HOXC13: variants seen among roughly 807,000 people sequenced by gnomAD.
HOXC13 encodes the protein homeobox protein Hox-C13.
A neutral mutation model predicts 25.9 loss-of-function variants in HOXC13; 10 were observed. The ratio of observed to expected loss-of-function variants is 0.39; its 90% CI spans 0.24 to 0.65. HOXC13 has a LOEUF of 0.65. HOXC13 is among the 30% of genes least tolerant of loss of function. The pLI is 0.50. For synonymous variants in HOXC13, 233 were observed against 217.1 expected (o/e 1.07, Z -0.64); for missense variants, 439 against 478.3 (o/e 0.92, Z 0.77).
At chr12:53,943,867 T>A (rs1360971481) in intron 1 of HOXC13, among the ~76,000 whole-genome samples, 1 of 152,200 alleles carries the variant, frequency 6.6e-6, no homozygotes, top group Non-Finnish European at 1.5e-5. Flanking sequence ...AATAATTACA[T>A]GGAAAAAATT....
At position 53,938,972 on chromosome 12, in the gene HOXC13, C is replaced by T; in HGVS notation, c.66C>T (p.Ser22=). ...GCCTTATGTACGTCTATGAGGACAG[C>T]GCGGCGGAGAGCGGCATCGGCGGCG... ...PESLMYVYED[S]AAESGIGGGG... The change falls in exon 1 of 2, where the codon AGC becomes AGT. Residue 22 remains serine (S), a synonymous_variant. Coordinates refer to ENST00000243056, the MANE Select transcript of HOXC13 (RefSeq NM_017410.3). The T allele has an allele frequency of 4.6e-6, 7 of 1,525,244 alleles. No homozygotes were observed. Among genetic ancestry groups the T allele is most frequent in the East Asian group, 5.2e-5 (2 of 38,288 alleles). The allele number at this position is 1,525,244 out of a possible 1,614,324, so 94.5% of individuals were successfully genotyped here.
rs1008663746 is a variant in HOXC13, at chr12:53,945,452, A to AC, written c.*201dup. 248 of 635,958 alleles carry AC rather than the reference A, an allele frequency of 3.9e-4. No homozygotes were observed. The highest frequency in any genetic ancestry group is 1.4e-4 in the Non-Finnish European group (51 of 371,068). 39.4% of individuals were successfully genotyped at this position (635,958 alleles called of 1,614,324 possible). ...ACTCCCTATCCCATCCCCAGCCTCC[A>AC]CCCCCATCCAGATGGGACTCACGTG... On this transcript the variant is annotated 3_prime_UTR_variant, in exon 2 of 2. Coordinates refer to ENST00000243056, the MANE Select transcript of HOXC13 (RefSeq NM_017410.3). The surrounding 1 kb of genome is among the most constrained non-coding windows in gnomAD (Gnocchi z 4.4).
At position 53,945,061 on chromosome 12, in the gene HOXC13, C is replaced by G. The variant is rs1471125450; in HGVS notation, c.798C>G (p.Pro266=). ...SYRRGRKKRV[P]YTKVQLKELE... is the part of the protein sequence containing the mutation. Reference sequence around the variant, plus strand: ...GGCGCGGGCGCAAGAAACGCGTGCCCTACACTAAGGTGCAGCTGAAGGAGC... The same window carrying G: ...GGCGCGGGCGCAAGAAACGCGTGCCGTACACTAAGGTGCAGCTGAAGGAGC... The change falls in exon 2 of 2, where the codon CCC becomes CCG. Residue 266 remains proline, a synonymous_variant. Transcript: ENST00000243056. This position sits in a 1 kb window ranked among gnomAD's most constrained non-coding sequence, Gnocchi z 4.4. 1 of 1,614,120 alleles carries G rather than the reference C, an allele frequency of 6.2e-7. No individual in the cohort carries two copies. Among genetic ancestry groups the G allele is most frequent in the South Asian group, 1.1e-5 (1 of 91,084 alleles).
At position 53,945,601 on chromosome 12, in the gene HOXC13, C is replaced by G; in HGVS notation, c.*345C>G. On this transcript the variant is annotated 3_prime_UTR_variant, in exon 2 of 2. Transcript: ENST00000243056. This position sits in a 1 kb window ranked among gnomAD's most constrained non-coding sequence, Gnocchi z 4.4. Reference sequence around the variant, plus strand: ...CAGCGCAGAGCCCAATCATTCCAACCAAAGCAGGGTTGGGGAATCCCGAAT... The same window carrying G: ...CAGCGCAGAGCCCAATCATTCCAACGAAAGCAGGGTTGGGGAATCCCGAAT... 1 of 391,642 alleles carries G rather than the reference C, an allele frequency of 2.6e-6. No homozygotes were observed. Among genetic ancestry groups the G allele is most frequent in the Non-Finnish European group, 4.7e-6 (1 of 213,200 alleles). 24.3% of individuals were successfully genotyped at this position (391,642 alleles called of 1,614,324 possible).
intron 1 of HOXC13, among the ~76,000 whole-genome samples, chr12:53,943,306 C>T (rs1489754403): frequency 6.6e-6 from 1 of 152,216 alleles, no homozygotes; most frequent in Non-Finnish European, 1.5e-5. Flanking sequence ...TACATATCCT[C>T]TTCATTCTAT....
chr12:53,941,407 G>A (rs967492858), intron 1 of HOXC13, among the ~76,000 whole-genome samples: 11 of 152,208 alleles, frequency 7.2e-5, no homozygotes, highest in African/African-American at 2.7e-4. Flanking sequence ...GTGGATTGGG[G>A]GCACAGGCCC....
rs544959535 is a variant in HOXC13 at position 53,940,897 on chromosome 12, G to C, written c.736+1255G>C. On this transcript the variant is annotated intron_variant, in intron 1 of 1. Transcript: ENST00000243056. ...GCATAGACCCAAAGACCTCCTAAGG[G>C]TGGGCCTGAAATTCCTCTGCATACG... is the stretch of plus-strand genomic sequence containing the variant. Among the ~76,000 whole-genome samples the C allele has an allele frequency of 4.6e-5, 7 of 152,288 alleles. No homozygotes were observed. In the South Asian group the frequency reaches 1.5e-3, roughly 32 times the overall value.
At chr12:53,943,212 G>C (rs1239625049) in intron 1 of HOXC13, among the ~76,000 whole-genome samples, 1 of 152,144 alleles carries the variant, frequency 6.6e-6, no homozygotes, top group Non-Finnish European at 1.5e-5. Flanking sequence ...TGTAAAATGA[G>C]TTTAACAAAA....
rs1288598403 is a variant in HOXC13 at position 53,938,963 on chromosome 12, T to C, written c.57T>C (p.Tyr19=). The change falls in exon 1 of 2, where the codon TAT becomes TAC. Residue 19 remains tyrosine (Y), a synonymous_variant. Transcript: ENST00000243056. ...PRWPESLMYV[Y]EDSAAESGIG... is the part of the protein sequence containing the mutation. Reference sequence around the variant, plus strand: ...GGCCGGAGAGCCTTATGTACGTCTATGAGGACAGCGCGGCGGAGAGCGGCA... The same window carrying C: ...GGCCGGAGAGCCTTATGTACGTCTACGAGGACAGCGCGGCGGAGAGCGGCA... 1.3e-6 allele frequency: 2 copies of C among 1,544,766 alleles called. No individual in the cohort carries two copies. Among genetic ancestry groups the C allele is most frequent in the Non-Finnish European group, 8.7e-7 (1 of 1,151,740 alleles).
chr12:53,945,852 C>T lies in HOXC13; in HGVS notation c.*596C>T, dbSNP rs758524143. 18 of 233,308 alleles carry T rather than the reference C, an allele frequency of 7.7e-5. No individual in the cohort carries two copies. Among genetic ancestry groups the T allele is most frequent in the Non-Finnish European group, 1.2e-4 (14 of 118,168 alleles). 14.5% of individuals were successfully genotyped at this position (233,308 alleles called of 1,614,324 possible). ...AGCGTGATTGGAGTATGGATGTTTCCGTAAAAGCTGGAATTCCGTAAAAGC... is the reference window on the plus strand; with the variant it reads ...AGCGTGATTGGAGTATGGATGTTTCTGTAAAAGCTGGAATTCCGTAAAAGC... On this transcript the variant is annotated 3_prime_UTR_variant, in exon 2 of 2. Transcript: ENST00000243056. This position sits in a 1 kb window ranked among gnomAD's most constrained non-coding sequence, Gnocchi z 4.4.
intron 1 of HOXC13, among the ~76,000 whole-genome samples, chr12:53,941,429 C>T (rs963986560): frequency 6.6e-6 from 1 of 152,204 alleles, no homozygotes; most frequent in Non-Finnish European, 1.5e-5. Flanking sequence ...GAGCAATGTG[C>T]AATGGGTTTA....
intron 1 of HOXC13, among the ~76,000 whole-genome samples, chr12:53,942,897 T>A (rs1017873625): frequency 1.3e-5 from 2 of 152,180 alleles, no homozygotes; most frequent in African/African-American, 4.8e-5. Context: ...GTTGATTAAA[T>A]CTCATTGGAA....
Position 53,945,131 on chromosome 12 carries a change from C to G in HOXC13, c.868C>G (p.Arg290Gly). ...TAGCAAGTTCATCACCAAAGAGAAG[C>G]GCCGGCGCATCTCCGCCACCACGAA... ...AASKFITKEK[R>G]RRISATTNLS... Residue 290 changes from arginine to glycine, a missense_variant, in exon 2 of 2, where the codon CGC (arginine) becomes GGC (glycine). Physicochemically the swap from Arg to Gly is moderately radical, Grantham distance 125. Transcript: ENST00000243056. This position sits in a 1 kb window ranked among gnomAD's most constrained non-coding sequence, Gnocchi z 4.4. 1 of 1,614,208 alleles carries G rather than the reference C, an allele frequency of 6.2e-7. No homozygotes were observed. The highest frequency in any genetic ancestry group is 8.5e-7 in the Non-Finnish European group (1 of 1,180,046).
intron 1 of HOXC13, among the ~76,000 whole-genome samples, chr12:53,944,528 G>T (rs931433218): frequency 1.3e-5 from 2 of 152,114 alleles, no homozygotes; most frequent in African/African-American, 4.8e-5. Context: ...AGGAAGGAGG[G>T]ATTTTTCTGA....
Position 53,945,463 on chromosome 12 carries a change from G to C in HOXC13, c.*207G>C. 1 of 616,802 alleles carries C rather than the reference G, an allele frequency of 1.6e-6. No individual in the cohort carries two copies. The highest frequency in any genetic ancestry group is 2.8e-6 in the Non-Finnish European group (1 of 354,876). The allele number at this position is 616,802 out of a possible 1,614,324, so 38.2% of individuals were successfully genotyped here. On this transcript the variant is annotated 3_prime_UTR_variant, in exon 2 of 2. Transcript: ENST00000243056. The surrounding 1 kb of genome is among the most constrained non-coding windows in gnomAD (Gnocchi z 4.4). ...CATCCCCAGCCTCCACCCCCATCCA[G>C]ATGGGACTCACGTGGCTTCAACAGC... is the stretch of plus-strand genomic sequence containing the variant.
chr12:53,939,477 G>T lies in HOXC13; in HGVS notation c.571G>T (p.Val191Leu), dbSNP rs780185702. Residue 191 changes from valine (V) to leucine (L), a missense_variant, in exon 1 of 2, where the codon GTG becomes TTG. Transcript: ENST00000243056. This position sits in a 1 kb window ranked among gnomAD's most constrained non-coding sequence, Gnocchi z 6.7. ...CCAGGCGATGCCCGGCTACCTGGACGTGTCGGTGGTGCCCGGGATCAGCGG... is the reference window on the plus strand; with the variant it reads ...CCAGGCGATGCCCGGCTACCTGGACTTGTCGGTGGTGCCCGGGATCAGCGG... ...SYQAMPGYLD[V>L]SVVPGISGHP... 1.2e-6 allele frequency: 2 copies of T among 1,609,434 alleles called. No individual in the cohort carries two copies. Among genetic ancestry groups the T allele is most frequent in the Non-Finnish European group, 8.5e-7 (1 of 1,179,470 alleles).
At chr12:53,941,550 A>G (rs753384079) in intron 1 of HOXC13, among the ~76,000 whole-genome samples, 2 of 141,970 alleles carry the variant, frequency 1.4e-5, no homozygotes, top group African/African-American at 2.7e-5. Flanking sequence ...TAAACATCTC[A>G]AAGATTCCTA....
At position 53,945,248 on chromosome 12, in the gene HOXC13, T is replaced by C. The variant is rs1374647444; in HGVS notation, c.985T>C (p.Ser329Pro). The C allele has an allele frequency of 9.9e-6, 16 of 1,613,782 alleles. No homozygotes were observed. The highest frequency in any genetic ancestry group is 1.3e-5 in the Non-Finnish European group (15 of 1,179,880). ...CAAATCGAAAGCGCCTCATCTCCAC[T>C]CCACCTGACCACCCACCCGCTGCTT... ...VSKSKAPHLH[S>P]T The change falls in exon 2 of 2, where the codon TCC becomes CCC. Residue 329 changes from serine (S) to proline (P), a missense_variant. By Grantham distance (74) the Ser-to-Pro change is moderately conservative. Coordinates refer to ENST00000243056, the MANE Select transcript of HOXC13 (RefSeq NM_017410.3). This position sits in a 1 kb window ranked among gnomAD's most constrained non-coding sequence, Gnocchi z 4.4.
intron 1 of HOXC13, among the ~76,000 whole-genome samples, chr12:53,943,637 G>T (rs1451701065): frequency 6.6e-6 from 1 of 152,144 alleles, no homozygotes; most frequent in African/African-American, 2.4e-5. Flanking sequence ...GTCTCACTGT[G>T]ACCACTACTC....
Sources: gnomAD v4.1 joint callset for allele counts (sites outside exome capture counted in the v4.1 genomes callset) on GRCh38, gnomAD v4.1.1 for gene constraint, Gnocchi (gnomAD v3.1) non-coding constraint, MANE v1.5 for transcripts, NCBI Gene and HGNC (gene_info 2026-07-23, HGNC 2026-07-21) for gene names.